MSH6: variants seen among roughly 807,000 people sequenced by gnomAD.
MSH6 encodes the protein DNA mismatch repair protein Msh6.
In MSH6, 85 loss-of-function variants were observed where a neutral mutation model predicts 119.1. The observed-to-expected ratio is 0.71, with a 90% CI of 0.60 to 0.85. The LOEUF (loss-of-function observed/expected upper bound fraction) is 0.85. Among genes scored for constraint, MSH6 ranks in the 40% least tolerant of loss-of-function variants. The pLI, the probability that MSH6 is intolerant of heterozygous loss-of-function variation, is 0.00. For synonymous variants in MSH6, 830 were observed against 586.9 expected (o/e 1.41, Z -5.99); for missense variants, 2,163 against 1,655.3 (o/e 1.31, Z -5.32).
chr2:47,798,856 C>G lies in MSH6; in HGVS notation c.873C>G (p.Asn291Lys), dbSNP rs876660529. 4 of 1,614,028 alleles carry G rather than the reference C, an allele frequency of 2.5e-6. No homozygotes were observed. The highest frequency in any genetic ancestry group is 1.3e-5 in the African/African-American group (1 of 74,914). Residue 291 changes from asparagine to lysine, a missense_variant, in exon 4 of 10, where the codon AAC (asparagine) becomes AAG (lysine). Physicochemically the swap from Asn to Lys is moderately conservative, Grantham distance 94. Coordinates refer to ENST00000234420, the MANE Select transcript of MSH6 (RefSeq NM_000179.3). ...GVGDSESEGLNSPVKVARKRK... is the reference protein window; with the variant it reads ...GVGDSESEGLKSPVKVARKRK... Reference sequence around the variant, plus strand: ...GGGATAGTGAGAGTGAAGGCCTGAACAGCCCTGTCAAAGTTGCTCGAAAGC... The same window carrying G: ...GGGATAGTGAGAGTGAAGGCCTGAAGAGCCCTGTCAAAGTTGCTCGAAAGC...
At chr2:47,807,949 T>C (rs1670337618), downstream of MSH6, 1 of 627,868 alleles carries the variant, frequency 1.6e-6, no homozygotes. Flanking sequence ...GTCAATATAT[T>C]GCCACTTTCT....
chr2:47,790,750 A>G (rs1668672085), intron 1 of MSH6, among the ~76,000 whole-genome samples, 177 bp from the exon 2 acceptor site: 1 of 152,350 alleles, frequency 6.6e-6, no homozygotes, highest in South Asian at 2.1e-4. Context: ...ATGCATTATG[A>G]TATCAGCTTG....
intron 1 of MSH6, 48 bp downstream of exon 1, chr2:47,783,541 G>A (rs2103946921): frequency 2.1e-6 from 3 of 1,402,026 alleles, no homozygotes; most frequent in Non-Finnish European, 2.8e-6. Context: ...GCGGCGGGGC[G>A]CTTGGAACCC....
At position 47,783,335 on chromosome 2, in the gene MSH6, C is replaced by A. The variant is rs201132087; in HGVS notation, c.102C>A (p.Ala34=). ...SARASREGGR[A]AAAPGASPSP... Reference sequence around the variant, plus strand: ...GGGCCTCACGCGAAGGCGGCCGTGCCGCCGCTGCCCCCGGGGCCTCTCCTT... The same window carrying A: ...GGGCCTCACGCGAAGGCGGCCGTGCAGCCGCTGCCCCCGGGGCCTCTCCTT... The change falls in exon 1 of 10, where the codon GCC becomes GCA. Residue 34 remains alanine (A), a synonymous_variant. Transcript: ENST00000234420. 46 of 1,610,664 alleles carry A rather than the reference C, an allele frequency of 2.9e-5. No homozygotes were observed. In the East Asian group the frequency reaches 1.0e-3, roughly 36 times the overall value.
intron 5 of MSH6, among the ~76,000 whole-genome samples, chr2:47,804,386 ATAG>A (rs1669817212): frequency 6.6e-6 from 1 of 152,222 alleles, no homozygotes; most frequent in South Asian, 2.1e-4. Context: ...GTTGTAAGAA[ATAG>A]TAGTAGTTGG....
intron 2 of MSH6, among the ~76,000 whole-genome samples, chr2:47,793,894 C>G (rs925776073): frequency 6.6e-6 from 1 of 151,796 alleles, no homozygotes; most frequent in Non-Finnish European, 1.5e-5. Context: ...CCAGGCCCAG[C>G]TGATTTTTGT....
Position 47,788,559 on chromosome 2 carries a change from T to C in MSH6, c.261-2368T>C, listed in dbSNP as rs188552949. Among the ~76,000 whole-genome samples, 308 of 144,250 alleles carry C rather than the reference T, an allele frequency of 2.1e-3. 2 individuals are homozygous for C. The highest frequency in any genetic ancestry group is 7.6e-3 in the African/African-American group (292 of 38,514). The allele number at this position is 144,250 out of a possible 152,430, so 94.6% of individuals were successfully genotyped here. A position where few individuals can be genotyped will look rare whatever the true frequency, so the allele number is the denominator to read the frequency against. ...TGAGCCACCGTGCCCAGCCTTTTTC[T>C]TTTTCTTTTTCTTTTTTTTTTTTTT... is the stretch of plus-strand genomic sequence containing the variant. On this transcript the variant is annotated intron_variant, in intron 1 of 9. Transcript: ENST00000234420.
chr2:47,803,424 T>C lies in MSH6; in HGVS notation c.3177T>C (p.Val1059=), dbSNP rs770547131. Residue 1059 remains valine, a synonymous_variant, in exon 5 of 10, where the codon GTT becomes GTC. Transcript: ENST00000234420. ...SAVECIAVLD[V]LLCLANYSRG... ...TTTTACCCTCTCTTTTAACAGATGT[T>C]TTACTGTGCCTGGCTAACTATAGTC... 6.2e-7 allele frequency: 1 copy of C among 1,614,190 alleles called. No homozygotes were observed. The highest frequency in any genetic ancestry group is 8.5e-7 in the Non-Finnish European group (1 of 1,180,044).
chr2:47,810,019 C>G (rs1018690458), downstream of MSH6: 7 of 488,580 alleles, frequency 1.4e-5, no homozygotes, highest in Non-Finnish European at 2.5e-5. Context: ...GTAAATTCAT[C>G]TGAGGAATTG....
In MSH6 at chr2:47,805,010, C is replaced by A; in HGVS notation, c.3539C>A (p.Ser1180Ter). The change falls in exon 6 of 10, where the codon TCA (serine) becomes TAA (stop). Residue 1180 changes from serine to a stop codon, truncating the protein, a stop_gained. Transcript: ENST00000234420. LOFTEE classifies it high-confidence loss of function. ...AGAGTGTTTACTAGACTTGGTGCCT[C>A]AGACAGAATAATGTCAGGTGAGTTT... is the stretch of plus-strand genomic sequence containing the variant. The part of the protein sequence containing the change: ...IDRVFTRLGA[S>*]DRIMSGESTF... The A allele has an allele frequency of 6.2e-7, 1 of 1,612,644 alleles. No homozygotes were observed. Among genetic ancestry groups the A allele is most frequent in the South Asian group, 1.1e-5 (1 of 91,054 alleles).
In MSH6 at chr2:47,798,926, T is replaced by C. The variant is rs1167164970; in HGVS notation, c.943T>C (p.Ser315Pro). Reference sequence around the variant, plus strand: ...AAATGGCTCTCTTAAAAGGAAAAGCTCTAGGAAGGAAACGCCCTCAGCCAC... The same window carrying C: ...AAATGGCTCTCTTAAAAGGAAAAGCCCTAGGAAGGAAACGCCCTCAGCCAC... Reference protein sequence around the residue: ...TGNGSLKRKSSRKETPSATKQ... With the variant: ...TGNGSLKRKSPRKETPSATKQ... Residue 315 changes from serine (S) to proline (P), a missense_variant, in exon 4 of 10, where the codon TCT becomes CCT. Transcript: ENST00000234420. The C allele has an allele frequency of 6.2e-7, 1 of 1,613,896 alleles. No individual in the cohort carries two copies. Among genetic ancestry groups the C allele is most frequent in the Non-Finnish European group, 8.5e-7 (1 of 1,180,018 alleles).
At chr2:47,801,361 G>GT (rs10666222) in intron 4 of MSH6, 5,549 of 88,704 alleles carry the variant, frequency 0.063, 975 homozygotes, top group Non-Finnish European at 0.08. Flanking sequence ...CCTTTCTTCA[G>GT]TTTTTTTTTT....
intron 5 of MSH6, among the ~76,000 whole-genome samples, chr2:47,804,405 C>T (rs566143474): frequency 6.6e-6 from 1 of 152,106 alleles, no homozygotes; most frequent in Non-Finnish European, 1.5e-5. Context: ...GTTGGCTGGT[C>T]CCCGCTGCTC....
In MSH6 at chr2:47,806,517, C is replaced by T. The variant is rs878853740; in HGVS notation, c.3867C>T (p.Phe1289=). Residue 1289 remains phenylalanine, a synonymous_variant, in exon 9 of 10, where the codon TTC becomes TTT. Coordinates refer to ENST00000234420, the MANE Select transcript of MSH6 (RefSeq NM_000179.3). Reference sequence around the variant, plus strand: ...AGACTATTACGTTCCTCTATAAATTCATTAAGGGAGCTTGTCCTAAAAGCT... The same window carrying T: ...AGACTATTACGTTCCTCTATAAATTTATTAAGGGAGCTTGTCCTAAAAGCT... The part of the protein sequence containing the change: ...SQETITFLYK[F]IKGACPKSYG... 6.2e-7 allele frequency: 1 copy of T among 1,613,918 alleles called. No individual in the cohort carries two copies. The highest frequency in any genetic ancestry group is 8.5e-7 in the Non-Finnish European group (1 of 1,179,946).
rs1668103138 is a variant in MSH6, at chr2:47,783,177, T to TA, written c.-57_-56insA. On this transcript the variant is annotated 5_prime_UTR_variant, in exon 1 of 10. It removes an upstream start codon present in the reference 5' UTR. Transcript: ENST00000234420. ...CCGCCAGCAGGAGCCGCGCGGTAGATGCGGTGCTTTTAGGAGCTCCGTCCG... is the reference window on the plus strand; with the variant it reads ...CCGCCAGCAGGAGCCGCGCGGTAGATAGCGGTGCTTTTAGGAGCTCCGTCCG... 1 of 1,602,740 alleles carries TA rather than the reference T, an allele frequency of 6.2e-7. No homozygotes were observed. Among genetic ancestry groups the TA allele is most frequent in the South Asian group, 1.1e-5 (1 of 89,762 alleles).
At chr2:47,788,906 C>CTTTTTTTTTTTTTGTTT (rs1491155839) in intron 1 of MSH6, among the ~76,000 whole-genome samples, 1 of 15,828 alleles carries the variant, frequency 6.3e-5, no homozygotes, top group African/African-American at 3.9e-4. Flanking sequence ...CTTTCTTCTT[C>CTTTTTTTTTTTTTGTTT]CTTTTTTTTT....
At chr2:47,795,243 T>TA (rs1324173785) in intron 2 of MSH6, among the ~76,000 whole-genome samples, 1 of 152,114 alleles carries the variant, frequency 6.6e-6, no homozygotes, top group Non-Finnish European at 1.5e-5. Context: ...TTCAAGGAGG[T>TA]AAAATTGGTG....
rs369583604 is a variant in MSH6, at chr2:47,804,995, C to T, written c.3524C>T (p.Thr1175Ile). The change falls in exon 6 of 10, where the codon ACT becomes ATT. Residue 1175 changes from threonine to isoleucine, a missense_variant. Coordinates refer to ENST00000234420, the MANE Select transcript of MSH6 (RefSeq NM_000179.3). ...CRLTPIDRVF[T>I]RLGASDRIMS... is the part of the protein sequence containing the mutation. Reference sequence around the variant, plus strand: ...CTCACACCAATTGATAGAGTGTTTACTAGACTTGGTGCCTCAGACAGAATA... The same window carrying T: ...CTCACACCAATTGATAGAGTGTTTATTAGACTTGGTGCCTCAGACAGAATA... The T allele has an allele frequency of 4.3e-6, 7 of 1,613,944 alleles. No individual in the cohort carries two copies. In the African/African-American group the frequency reaches 8.0e-5, roughly 18 times the overall value.
chr2:47,798,355 C>T (rs1669221733), intron 3 of MSH6, among the ~76,000 whole-genome samples: 1 of 152,194 alleles, frequency 6.6e-6, no homozygotes, highest in South Asian at 2.1e-4. Flanking sequence ...GTAGCTTGGG[C>T]GTAGCCTAAC....
Sources: gnomAD v4.1 joint callset for allele counts (sites outside exome capture counted in the v4.1 genomes callset) on GRCh38, gnomAD v4.1.1 for gene constraint, MANE v1.5 for transcripts, NCBI Gene and HGNC (gene_info 2026-07-23, HGNC 2026-07-21) for gene names.